Variants in CLCN5 observed in about 807,000 individuals in gnomAD.
CLCN5 encodes Cl-/H+ antiporter 5.
Under a neutral mutation model 54.0 loss-of-function variants are expected in CLCN5, and 17 were observed. The observed-to-expected ratio is 0.31, with a 90% confidence interval of 0.22 to 0.47. The LOEUF (loss-of-function observed/expected upper bound fraction) is 0.47, where lower values mean the gene tolerates loss of function less well. CLCN5 is among the 20% of genes least tolerant of loss of function. The probability of loss-of-function intolerance (pLI) is 1.00; values close to 1 mark genes in which losing one functional copy is unlikely to be tolerated. For missense variants in CLCN5, 448 were observed against 646.7 expected, an observed-to-expected ratio of 0.69 and a Z score of 3.33; for synonymous variants, 222 against 233.0, an observed-to-expected ratio of 0.95 and a Z score of 0.43.
At chrX:49,925,973 C>T (rs1925318171) in intron 3 of CLCN5, among the ~76,000 whole-genome samples, 2 of 111,466 alleles carry the variant, frequency 1.8e-5, no homozygotes, top group Admixed American at 1.9e-4. Flanking sequence ...TTAGGAGTCT[C>T]CACGGGTATG....
At chrX:50,040,187 C>T (rs1369737044) in intron 3 of CLCN5, among the ~76,000 whole-genome samples, 2 of 111,376 alleles carry the variant, frequency 1.8e-5, no homozygotes, top group South Asian at 3.9e-4. Context: ...GAGTCCTCTC[C>T]GGAGAAAGGG....
At chrX:50,071,827 G>A (rs1242239201) in intron 5 of CLCN5, among the ~76,000 whole-genome samples, 1 of 111,813 alleles carries the variant, frequency 8.9e-6, no homozygotes, top group Non-Finnish European at 1.9e-5. Context: ...AGAAAGGGGA[G>A]GTACCAGTGA....
At chrX:49,981,395 C>T (rs1928722888) in intron 3 of CLCN5, among the ~76,000 whole-genome samples, 1 of 111,300 alleles carries the variant, frequency 9.0e-6, no homozygotes. Context: ...TCTTTCTTTA[C>T]TTTTTAATCT....
chrX:50,004,211 C>T (rs1486055989), intron 3 of CLCN5, among the ~76,000 whole-genome samples: 1 of 112,099 alleles, frequency 8.9e-6, no homozygotes, highest in African/African-American at 3.2e-5. Flanking sequence ...TATCGAGCAG[C>T]TACTGTGTGT....
chrX:49,928,866 A>G (rs1557168438), intron 3 of CLCN5, among the ~76,000 whole-genome samples: 3 of 111,528 alleles, frequency 2.7e-5, no homozygotes, highest in Non-Finnish European at 5.7e-5. Flanking sequence ...CGGAGCTTGC[A>G]GTGAGCCGAG....
chrX:50,030,461 A>G (rs1287997027), intron 3 of CLCN5, among the ~76,000 whole-genome samples: 1 of 111,612 alleles, frequency 9.0e-6, no homozygotes, highest in East Asian at 2.8e-4. Flanking sequence ...GTATTTTTGT[A>G]GTTGTATAGG....
intron 4 of CLCN5, among the ~76,000 whole-genome samples, chrX:50,053,260 A>G (rs1932647436): frequency 9.0e-6 from 1 of 111,520 alleles, no homozygotes; most frequent in Non-Finnish European, 1.9e-5. Flanking sequence ...TCTCCTGTGT[A>G]AGTTTTGGTA....
Position 50,093,309 on chromosome X carries a change from C to T in CLCN5, c.*1090C>T, listed in dbSNP as rs1557195082. The stretch of plus-strand genomic sequence containing the variant: ...TAAAATAACTGGACACTCATTGTAC[C>T]TCCCAGCGATAAGTATGTGTAACAG... On this transcript the variant is annotated 3_prime_UTR_variant, in exon 15 of 15. Coordinates refer to ENST00000376091, the MANE Select transcript of CLCN5 (RefSeq NM_001127898.4). 2.7e-5 allele frequency: 3 copies of T among 112,328 alleles called. No homozygotes were observed. Among genetic ancestry groups the T allele is most frequent in the Non-Finnish European group, 3.8e-5 (2 of 53,249 alleles). 9.3% of individuals were successfully genotyped at this position (112,328 alleles called of 1,213,427 possible). A position where few individuals can be genotyped will look rare whatever the true frequency, so the allele number is the denominator to read the frequency against.
intron 4 of CLCN5, among the ~76,000 whole-genome samples, chrX:50,049,152 T>G (rs1932492648): frequency 8.9e-6 from 1 of 111,783 alleles, no homozygotes; most frequent in Non-Finnish European, 1.9e-5. Context: ...ATAATGACAT[T>G]TTGGTCAACT....
chrX:49,984,801 A>G (rs369608711), intron 3 of CLCN5, among the ~76,000 whole-genome samples: 1 of 110,316 alleles, frequency 9.1e-6, no homozygotes, highest in Non-Finnish European at 1.9e-5. Flanking sequence ...TTTTTTTTGT[A>G]GAGACGGGAT....
intron 4 of CLCN5, among the ~76,000 whole-genome samples, chrX:50,048,817 G>C (rs1391946678): frequency 9.0e-6 from 1 of 111,594 alleles, no homozygotes; most frequent in African/African-American, 3.3e-5. Context: ...ATGGATACTA[G>C]GTATGCTCCT....
At chrX:50,015,965 A>G (rs1930770144) in intron 3 of CLCN5, among the ~76,000 whole-genome samples, 1 of 111,552 alleles carries the variant, frequency 9.0e-6, no homozygotes, top group Non-Finnish European at 1.9e-5. Context: ...GTAAAGATTC[A>G]GGTTATTTAA....
At chrX:50,047,544 T>C (rs1932434686) in intron 4 of CLCN5, among the ~76,000 whole-genome samples, 1 of 111,495 alleles carries the variant, frequency 9.0e-6, no homozygotes, top group African/African-American at 3.3e-5. Flanking sequence ...TGATGTCCTC[T>C]AATTTTTCCC....
At chrX:50,063,704 C>CA (rs1207261280) in intron 4 of CLCN5, among the ~76,000 whole-genome samples, 6 of 108,247 alleles carry the variant, frequency 5.5e-5, no homozygotes, top group Non-Finnish European at 9.6e-5. Flanking sequence ...GAGACACAAC[C>CA]AAAAAAGAGA....
At chrX:50,016,557 T>G (rs1930799005) in intron 3 of CLCN5, among the ~76,000 whole-genome samples, 1 of 109,536 alleles carries the variant, frequency 9.1e-6, no homozygotes, top group Non-Finnish European at 1.9e-5. Context: ...TTATAACTAT[T>G]ATTAAATAAT....
At chrX:49,942,503 A>G (rs782493775) in intron 3 of CLCN5, among the ~76,000 whole-genome samples, 180 of 108,557 alleles carry the variant, frequency 1.7e-3, no homozygotes, top group Non-Finnish European at 2.9e-3. Flanking sequence ...TGCTGCACCT[A>G]TTAACTCATC....
chrX:50,077,193 G>A (rs1933437707), intron 7 of CLCN5, among the ~76,000 whole-genome samples: 1 of 111,520 alleles, frequency 9.0e-6, no homozygotes, highest in African/African-American at 3.3e-5. Flanking sequence ...AGAAATAGGA[G>A]TGTTTATATA....
intron 3 of CLCN5, among the ~76,000 whole-genome samples, chrX:49,959,745 C>T (rs1927507746): frequency 9.0e-6 from 1 of 111,383 alleles, no homozygotes; most frequent in African/African-American, 3.3e-5. Flanking sequence ...TATGAGACCT[C>T]TGGAACCTAG....
intron 4 of CLCN5, among the ~76,000 whole-genome samples, chrX:50,068,779 C>G (rs1028961765): frequency 1.8e-5 from 2 of 111,284 alleles, no homozygotes; most frequent in Non-Finnish European, 3.8e-5. Context: ...AGCCTTGTCC[C>G]TGCCAAGGTT....
Sources: gnomAD v4.1 joint callset for allele counts (sites outside exome capture counted in the v4.1 genomes callset) on GRCh38, gnomAD v4.1.1 for gene constraint, MANE v1.5 for transcripts, NCBI Gene and HGNC (gene_info 2026-07-23, HGNC 2026-07-21) for gene names.